Variants in ZBTB45 observed in about 807,000 individuals in gnomAD.
ZBTB45 encodes the protein zinc finger and BTB domain containing 45.
A neutral mutation model predicts 28.4 loss-of-function variants in ZBTB45; 22 were observed. That is an observed-to-expected ratio of 0.77 (90% CI 0.55 to 1.10). The LOEUF is 1.10. Ranked by LOEUF, ZBTB45 falls within the 50% of genes least tolerant of loss-of-function variation. The pLI, the probability that ZBTB45 is intolerant of heterozygous loss-of-function variation, is 0.00. For missense variants in ZBTB45, 656 were observed against 750.2 expected (o/e 0.87, Z 1.47); for synonymous variants, 361 against 332.3 (o/e 1.09, Z -0.94).
At chr19:58,525,636 G>A (rs947073749) in intron 1 of ZBTB45, among the ~76,000 whole-genome samples, 1 of 152,202 alleles carries the variant, frequency 6.6e-6, no homozygotes, top group Admixed American at 6.5e-5. Flanking sequence ...CTGGGACCAG[G>A]CAAGTTGCCG....
upstream of ZBTB45, among the ~76,000 whole-genome samples, chr19:58,524,403 ATATGTGTGTGTGTG>A (rs1342954229): frequency 6.5e-5 from 9 of 138,386 alleles, no homozygotes; most frequent in Non-Finnish European, 1.4e-4. Context: ...ATGTGTATAT[ATATGTGTGTGTGTG>A]TGTGTGTGTG....
At chr19:58,535,668 A>G (rs768043905) in intron 1 of ZBTB45, among the ~76,000 whole-genome samples, 2 of 152,214 alleles carry the variant, frequency 1.3e-5, no homozygotes, top group Non-Finnish European at 2.9e-5. Context: ...AGGCCTGGCC[A>G]TACATTGTAA....
At position 58,530,832 on chromosome 19, in the gene ZBTB45, C is replaced by T. The variant is rs550650788; in HGVS notation, c.-1+7869G>A. On this transcript the variant is annotated intron_variant, in intron 1 of 1. Coordinates refer to the ZBTB45 transcript ENST00000600130. Reference sequence around the variant, plus strand: ...CCAAGTAGCTGGGACTACAGGCGCCCGCCACCACGCCTGGCTAATTTTTTG... The same window carrying T: ...CCAAGTAGCTGGGACTACAGGCGCCTGCCACCACGCCTGGCTAATTTTTTG... Among the ~76,000 whole-genome samples the T allele has an allele frequency of 5.3e-5, 8 of 151,390 alleles. No homozygotes were observed. The East Asian group carries it at 7.8e-4, about 15-fold the overall frequency.
upstream of ZBTB45, among the ~76,000 whole-genome samples, chr19:58,521,739 C>A (rs117833739): frequency 6.6e-4 from 101 of 152,314 alleles, 1 homozygote; most frequent in East Asian, 0.018. Flanking sequence ...CCTCACATTT[C>A]CCTCACTGAA....
chr19:58,535,027 T>C (rs998735535), intron 1 of ZBTB45, among the ~76,000 whole-genome samples: 1 of 151,952 alleles, frequency 6.6e-6, no homozygotes, highest in Non-Finnish European at 1.5e-5. Context: ...AGCTAATTTT[T>C]GTATTTTTAG....
upstream of ZBTB45, chr19:58,519,912 C>A (rs2053563817): frequency 6.6e-6 from 1 of 152,324 alleles, no homozygotes; most frequent in Admixed American, 6.5e-5. Flanking sequence ...CGATCAGCTC[C>A]CGCCAGTCTG....
intron 1 of ZBTB45, among the ~76,000 whole-genome samples, chr19:58,518,033 C>T (rs1267940243): frequency 2.5e-5 from 1 of 40,292 alleles, no homozygotes; most frequent in Non-Finnish European, 4.6e-5. Flanking sequence ...ACTCCAATAA[C>T]CCTAAGCCTC....
upstream of ZBTB45, among the ~76,000 whole-genome samples, chr19:58,524,711 A>G (rs1256765811): frequency 4.6e-5 from 7 of 151,724 alleles, no homozygotes; most frequent in South Asian, 2.1e-4. Flanking sequence ...GTGAAACCCC[A>G]TCTCTACTAA....
At position 58,513,865 on chromosome 19, in the gene ZBTB45, T is replaced by A. The variant is rs2053448261; in HGVS notation, c.*189A>T. 3 of 668,346 alleles carry A rather than the reference T, an allele frequency of 4.5e-6. No individual in the cohort carries two copies. Among genetic ancestry groups the A allele is most frequent in the South Asian group, 3.8e-5 (1 of 26,054 alleles). 41.4% of individuals were successfully genotyped at this position (668,346 alleles called of 1,614,324 possible). On this transcript the variant is annotated 3_prime_UTR_variant, in exon 3 of 3. Coordinates refer to ENST00000594051, the MANE Select transcript of ZBTB45 (RefSeq NM_001316979.2). ...CCCAGCCCGGCACCACCTGGAGGGTTCAAGTACATGGAGGAGAGGAGTAAG... is the reference window on the plus strand; with the variant it reads ...CCCAGCCCGGCACCACCTGGAGGGTACAAGTACATGGAGGAGAGGAGTAAG...
chr19:58,517,711 G>A lies in ZBTB45; in HGVS notation c.1-38C>T, dbSNP rs752375559. On this transcript the variant is annotated intron_variant, in intron 1 of 2. Transcript: ENST00000594051. ...AGAGGAGGGCAGGGAGAGGTCAACT[G>A]AGGACCCCCATCTGTCCCAACGTCC... 8.9e-6 allele frequency: 14 copies of A among 1,580,262 alleles called. No homozygotes were observed. The Admixed American group carries it at 1.4e-4, about 15-fold the overall frequency.
Position 58,514,144 on chromosome 19 carries a change from C to T in ZBTB45, c.1446G>A (p.Arg482=). 1 of 1,606,130 alleles carries T rather than the reference C, an allele frequency of 6.2e-7. No homozygotes were observed. Among genetic ancestry groups the T allele is most frequent in the Non-Finnish European group, 8.5e-7 (1 of 1,176,838 alleles). The part of the protein sequence containing the change: ...SSLNVHMRTH[R]PERAPCPACG... ...AGGCGGGGCAGGGCGCGCGCTCGGG[C>T]CGGTGAGTGCGCATGTGCACGTTGA... Residue 482 remains arginine (R), a synonymous_variant, in exon 3 of 3, where the codon CGG becomes CGA. Coordinates refer to ENST00000594051, the MANE Select transcript of ZBTB45 (RefSeq NM_001316979.2).
upstream of ZBTB45, among the ~76,000 whole-genome samples, chr19:58,522,822 G>C (rs2053585694): frequency 6.6e-6 from 1 of 152,100 alleles, no homozygotes; most frequent in South Asian, 2.1e-4. Flanking sequence ...GCCCTCCCTT[G>C]GGCAAGACAA....
intron 1 of ZBTB45, among the ~76,000 whole-genome samples, chr19:58,534,792 G>A (rs2053652106): frequency 6.6e-6 from 1 of 151,706 alleles, no homozygotes; most frequent in Non-Finnish European, 1.5e-5. Flanking sequence ...TCCTGACCTT[G>A]TGATCCGCCC....
intron 1 of ZBTB45, among the ~76,000 whole-genome samples, chr19:58,533,603 C>G (rs1356635626): frequency 6.6e-6 from 1 of 151,928 alleles, no homozygotes; most frequent in Non-Finnish European, 1.5e-5. Flanking sequence ...CTACAAAATC[C>G]ACAGGAAACT....
intron 1 of ZBTB45, among the ~76,000 whole-genome samples, chr19:58,538,201 TTTTTC>T (rs566372793): frequency 4.1e-4 from 63 of 151,924 alleles, no homozygotes; most frequent in African/African-American, 8.9e-4. Context: ...CAACTTTTTT[TTTTTC>T]TTTTCTTTTC....
chr19:58,519,156 C>T (rs753004236), intron 1 of ZBTB45: 1 of 152,354 alleles, frequency 6.6e-6, no homozygotes, highest in Admixed American at 6.5e-5. Context: ...TACACCACCC[C>T]GCTCCCTGGC....
chr19:58,525,471 C>T (rs969830233), intron 1 of ZBTB45, among the ~76,000 whole-genome samples: 3 of 152,150 alleles, frequency 2.0e-5, no homozygotes, highest in African/African-American at 7.2e-5. Context: ...TCTGATGGGA[C>T]AGAGAAGACA....
chr19:58,516,944 A>G lies in ZBTB45; in HGVS notation c.730T>C (p.Phe244Leu), dbSNP rs1318120758. ...GCGCTGTCAGCAGCAGCAGTGAGGA[A>G]GCCAGCAGCACAGTCTGGGAAGGAA... ...PPSFPDCAAG[F>L]LTAAADSACE... is the part of the protein sequence containing the mutation. Residue 244 changes from phenylalanine (F) to leucine (L), a missense_variant, in exon 2 of 3, where the codon TTC becomes CTC. Transcript: ENST00000594051. The surrounding 1 kb of genome is among the most constrained non-coding windows in gnomAD (Gnocchi z 6.2). The G allele has an allele frequency of 6.2e-7, 1 of 1,613,290 alleles. No individual in the cohort carries two copies. Among genetic ancestry groups the G allele is most frequent in the Non-Finnish European group, 8.5e-7 (1 of 1,180,014 alleles).
intron 1 of ZBTB45, among the ~76,000 whole-genome samples, chr19:58,530,953 G>T (rs558849326): frequency 1.3e-5 from 2 of 152,272 alleles, no homozygotes; most frequent in East Asian, 3.9e-4. Context: ...AAAATGCTAG[G>T]ATTACAGGAG....
Sources: allele counts gnomAD v4.1 joint callset (sites outside exome capture counted in the v4.1 genomes callset), GRCh38; gene constraint gnomAD v4.1.1; non-coding constraint Gnocchi (gnomAD v3.1); transcripts MANE v1.5; gene names NCBI Gene and HGNC (gene_info 2026-07-23, HGNC 2026-07-21).